AHI1: variants seen among roughly 807,000 people sequenced by gnomAD.
AHI1 encodes the protein jouberin.
A neutral mutation model predicts 149.3 loss-of-function variants in AHI1; 123 were observed. The observed-to-expected ratio is 0.82, with a 90% CI of 0.71 to 0.96. AHI1 has a LOEUF of 0.96. AHI1 is among the 40% of genes least tolerant of loss of function. The pLI is 0.00. For synonymous variants in AHI1, 475 were observed against 459.8 expected, an observed-to-expected ratio of 1.03 and a Z score of -0.42; for missense variants, 1,439 against 1,422.7, an observed-to-expected ratio of 1.01 and a Z score of -0.18.
chr6:135,298,513 T>C (rs945188988), intron 27 of AHI1, among the ~76,000 whole-genome samples: 2 of 152,142 alleles, frequency 1.3e-5, no homozygotes, highest in Non-Finnish European at 2.9e-5. Flanking sequence ...AAGAAACTCA[T>C]TTAGGTAAAT....
chr6:135,483,285 A>G (rs1793999611), intron 5 of AHI1, among the ~76,000 whole-genome samples: 2 of 152,180 alleles, frequency 1.3e-5, no homozygotes. Flanking sequence ...TTACAGATTT[A>G]TAAGCTAAAT....
At chr6:135,477,400 T>C (rs989092468) in intron 5 of AHI1, among the ~76,000 whole-genome samples, 3 of 152,236 alleles carry the variant, frequency 2.0e-5, no homozygotes, top group African/African-American at 7.2e-5. Context: ...ATTATCATTA[T>C]TGGCTTTTTA....
chr6:135,430,064 T>C, intron 17 of AHI1, 64 bp from the exon 18 acceptor site: 1 of 843,900 alleles, frequency 1.2e-6, no homozygotes, highest in Non-Finnish European at 1.9e-6. Flanking sequence ...TTTTTGGGGG[T>C]ACAAAATTAA....
At chr6:135,379,277 G>C (rs1285699889) in intron 23 of AHI1, among the ~76,000 whole-genome samples, 2 of 151,820 alleles carry the variant, frequency 1.3e-5, no homozygotes, top group African/African-American at 4.8e-5. Flanking sequence ...ACCTAAATTA[G>C]AAGCCTCTGG....
chr6:135,337,890 C>G (rs961273259), intron 24 of AHI1, among the ~76,000 whole-genome samples: 1 of 151,906 alleles, frequency 6.6e-6, no homozygotes, highest in East Asian at 1.9e-4. Flanking sequence ...TTATCTAATT[C>G]CAAAGTCAAT....
At chr6:135,338,300 CAAAAAAA>C (rs199794648) in intron 24 of AHI1, among the ~76,000 whole-genome samples, 2 of 94,582 alleles carry the variant, frequency 2.1e-5, no homozygotes, top group Non-Finnish European at 2.2e-5. Context: ...AACTCCATCT[CAAAAAAA>C]AAAAAAAAAA....
chr6:135,397,266 AAAT>A (rs1779354319), intron 22 of AHI1, among the ~76,000 whole-genome samples: 1 of 151,982 alleles, frequency 6.6e-6, no homozygotes, highest in Admixed American at 6.5e-5. Flanking sequence ...AGAGGAAGAA[AAAT>A]AATAATAACC....
At chr6:135,389,180 G>A (rs538266714) in intron 23 of AHI1, among the ~76,000 whole-genome samples, 117 of 151,282 alleles carry the variant, frequency 7.7e-4, no homozygotes, top group African/African-American at 2.6e-3. Flanking sequence ...GCATGGTGGC[G>A]GGCACCTGTA....
chr6:135,439,059 G>C (rs966505509), intron 14 of AHI1, among the ~76,000 whole-genome samples: 2 of 152,130 alleles, frequency 1.3e-5, no homozygotes, highest in African/African-American at 4.8e-5. Flanking sequence ...TGAAATCTAA[G>C]ATAGTAACAC....
intron 4 of AHI1, among the ~76,000 whole-genome samples, chr6:135,491,895 G>C (rs931786443): frequency 2.6e-5 from 4 of 152,196 alleles, no homozygotes; most frequent in Non-Finnish European, 5.9e-5. Context: ...ATATTTACTA[G>C]CTAGCCCTTT....
intron 23 of AHI1, among the ~76,000 whole-genome samples, chr6:135,377,246 T>C (rs954586846): frequency 1.3e-5 from 2 of 152,130 alleles, no homozygotes; most frequent in Non-Finnish European, 2.9e-5. Flanking sequence ...AGGGGTTTTA[T>C]TTTACATTTT....
intron 13 of AHI1, among the ~76,000 whole-genome samples, chr6:135,445,879 A>AC (rs1787117750): frequency 6.6e-6 from 1 of 152,010 alleles, no homozygotes; most frequent in African/African-American, 2.4e-5. Context: ...ACATGGTGAA[A>AC]CCCCATCTCT....
chr6:135,411,591 T>C (rs1042602801), intron 20 of AHI1, 47 bp from the exon 21 acceptor site: 1 of 1,453,584 alleles, frequency 6.9e-7, no homozygotes, highest in Admixed American at 2.3e-5. Context: ...AGCAAAAGCA[T>C]AATCAAGCCC....
intron 23 of AHI1, among the ~76,000 whole-genome samples, chr6:135,381,726 CCA>C (rs1776792507): frequency 6.6e-6 from 1 of 152,160 alleles, no homozygotes; most frequent in Admixed American, 6.5e-5. Context: ...CTCTGTGCTG[CCA>C]CAGTGTTTTA....
At chr6:135,379,197 C>A (rs953473037) in intron 23 of AHI1, among the ~76,000 whole-genome samples, 3 of 152,116 alleles carry the variant, frequency 2.0e-5, no homozygotes, top group African/African-American at 7.2e-5. Flanking sequence ...ATCTAAAATA[C>A]AATTCATTAT....
At chr6:135,377,425 T>C (rs1776107367) in intron 23 of AHI1, among the ~76,000 whole-genome samples, 1 of 152,162 alleles carries the variant, frequency 6.6e-6, no homozygotes, top group Non-Finnish European at 1.5e-5. Flanking sequence ...TTGAACACTG[T>C]AAAATATTCC....
At chr6:135,443,329 T>C (rs1185608084) in intron 13 of AHI1, among the ~76,000 whole-genome samples, 1 of 152,242 alleles carries the variant, frequency 6.6e-6, no homozygotes. Flanking sequence ...TAATGTCTAC[T>C]GTAGAAAATA....
intron 23 of AHI1, among the ~76,000 whole-genome samples, chr6:135,367,500 A>T (rs1178713108): frequency 6.6e-6 from 1 of 151,978 alleles, no homozygotes; most frequent in African/African-American, 2.4e-5. Flanking sequence ...AATTATTCTT[A>T]GATTTGGTCA....
intron 24 of AHI1, among the ~76,000 whole-genome samples, chr6:135,357,012 C>T (rs1467114192): frequency 6.6e-6 from 1 of 152,154 alleles, no homozygotes; most frequent in Non-Finnish European, 1.5e-5. Flanking sequence ...AATCTCGGCT[C>T]ACAGCAACCT....
Sources: allele counts gnomAD v4.1 joint callset (sites outside exome capture counted in the v4.1 genomes callset), GRCh38; gene constraint gnomAD v4.1.1; transcripts MANE v1.5; gene names NCBI Gene and HGNC (gene_info 2026-07-23, HGNC 2026-07-21).